The following HPCA variants were observed in gnomAD, a reference collection of about 807,000 sequenced individuals.
HPCA encodes hippocalcin.
A neutral mutation model predicts 18.2 loss-of-function variants in HPCA; 4 were observed. The observed-to-expected ratio is 0.22, with a 90% CI of 0.11 to 0.50. The LOEUF (loss-of-function observed/expected upper bound fraction) is 0.50, where lower values mean the gene tolerates loss of function less well. Ranked by LOEUF, HPCA falls within the 20% of genes least tolerant of loss-of-function variation. The pLI, the probability that HPCA is intolerant of heterozygous loss-of-function variation, is 0.97. For missense variants in HPCA, 161 were observed against 265.8 expected (o/e 0.61, Z 2.74); for synonymous variants, 93 against 103.5 (o/e 0.90, Z 0.61).
intron 1 of HPCA, among the ~76,000 whole-genome samples, chr1:32,887,712 G>A (rs1641393560): frequency 6.6e-6 from 1 of 152,176 alleles, no homozygotes; most frequent in South Asian, 2.1e-4. Flanking sequence ...AAATGGCAAG[G>A]GTGCCTGAAG....
In HPCA at chr1:32,894,063, C is replaced by A; in HGVS notation, c.*201C>A. On this transcript the variant is annotated 3_prime_UTR_variant, in exon 4 of 4. Coordinates refer to ENST00000373467, the MANE Select transcript of HPCA (RefSeq NM_002143.3). ...GTAAGCGGTTAGCACCCCCCAATCC[C>A]AGAGGCAACAATAGAGACACAGGCT... 1.7e-6 allele frequency: 1 copy of A among 579,170 alleles called. No homozygotes were observed. The highest frequency in any genetic ancestry group is 3.1e-6 in the Non-Finnish European group (1 of 324,184). The allele number at this position is 579,170 out of a possible 1,614,324, so 35.9% of individuals were successfully genotyped here.
rs1346906266 is a variant in HPCA at position 32,893,740 on chromosome 1, C to G, written c.485-25C>G. 1.0e-5 allele frequency: 16 copies of G among 1,559,092 alleles called. No homozygotes were observed. In the East Asian group the frequency reaches 3.8e-4, roughly 37 times the overall value. Reference sequence around the variant, plus strand: ...CTCGCTAGGCTGCCGCCTCCTCCCCCATCACCGCTCCCCTCGCCCTGCAGG... The same window carrying G: ...CTCGCTAGGCTGCCGCCTCCTCCCCGATCACCGCTCCCCTCGCCCTGCAGG... On this transcript the variant is annotated intron_variant, in intron 3 of 3. Coordinates refer to ENST00000373467, the MANE Select transcript of HPCA (RefSeq NM_002143.3). The surrounding 1 kb of genome is among the most constrained non-coding windows in gnomAD (Gnocchi z 7.5).
rs1641517295 is a variant in HPCA at position 32,893,926 on chromosome 1, C to T, written c.*64C>T. ...CCCCTCCCGGCTCTTAGCTTCCACTCCCTTGTGTGTATTCTGGCTGGGGGC... is the reference window on the plus strand; with the variant it reads ...CCCCTCCCGGCTCTTAGCTTCCACTTCCTTGTGTGTATTCTGGCTGGGGGC... On this transcript the variant is annotated 3_prime_UTR_variant, in exon 4 of 4. Transcript: ENST00000373467. The surrounding 1 kb of genome is among the most constrained non-coding windows in gnomAD (Gnocchi z 7.5). 1 of 1,177,192 alleles carries T rather than the reference C, an allele frequency of 8.5e-7. No individual in the cohort carries two copies. The highest frequency in any genetic ancestry group is 1.5e-5 in the African/African-American group (1 of 65,832). The allele number at this position is 1,177,192 out of a possible 1,614,324, so 72.9% of individuals were successfully genotyped here.
rs754351831 is a variant in HPCA at position 32,893,787 on chromosome 1, C to T, written c.507C>T (p.Phe169=). ...NNDGKLSLEE[F]IRGAKSDPSI... ...CAGGCAAGCTGTCCTTGGAGGAGTT[C>T]ATCCGCGGGGCCAAAAGCGACCCGT... Residue 169 remains phenylalanine (F), a synonymous_variant, in exon 4 of 4, where the codon TTC becomes TTT. Transcript: ENST00000373467. This position sits in a 1 kb window ranked among gnomAD's most constrained non-coding sequence, Gnocchi z 7.5. 3 of 1,579,032 alleles carry T rather than the reference C, an allele frequency of 1.9e-6. No homozygotes were observed. Among genetic ancestry groups the T allele is most frequent in the Non-Finnish European group, 1.7e-6 (2 of 1,163,314 alleles).
rs575286801 is a variant in HPCA, at chr1:32,894,400, C to T, written c.*538C>T. On this transcript the variant is annotated 3_prime_UTR_variant, in exon 4 of 4. Coordinates refer to ENST00000373467, the MANE Select transcript of HPCA (RefSeq NM_002143.3). ...CCCAGAAAGCCAGCCTGCCTTTTAGCACTTGGATACACACAGACCCACGGA... is the reference window on the plus strand; with the variant it reads ...CCCAGAAAGCCAGCCTGCCTTTTAGTACTTGGATACACACAGACCCACGGA... The T allele has an allele frequency of 8.1e-5, 16 of 197,452 alleles. No homozygotes were observed. The South Asian group carries it at 2.1e-3, about 25-fold the overall frequency. 12.2% of individuals were successfully genotyped at this position (197,452 alleles called of 1,614,324 possible). A position where few individuals can be genotyped will look rare whatever the true frequency, so the allele number is the denominator to read the frequency against.
chr1:32,890,570 C>T (rs1188184523), intron 2 of HPCA, among the ~76,000 whole-genome samples: 3 of 152,240 alleles, frequency 2.0e-5, no homozygotes, highest in Non-Finnish European at 4.4e-5. Flanking sequence ...ACTTGGTAGA[C>T]ATTAGCAATT....
chr1:32,892,804 C>A (rs535458344), intron 2 of HPCA, among the ~76,000 whole-genome samples: 87 of 152,268 alleles, frequency 5.7e-4, no homozygotes, highest in Middle Eastern at 3.4e-3. Context: ...CTCCAAGGCA[C>A]TGCGACCCAG....
rs756500543 is a variant in HPCA at position 32,893,775 on chromosome 1, C to T, written c.495C>T (p.Ser165=). 1 of 1,578,122 alleles carries T rather than the reference C, an allele frequency of 6.3e-7. No individual in the cohort carries two copies. Among genetic ancestry groups the T allele is most frequent in the South Asian group, 1.2e-5 (1 of 86,488 alleles). The change falls in exon 4 of 4, where the codon TCC becomes TCT. Residue 165 remains serine (S), a synonymous_variant. Coordinates refer to ENST00000373467, the MANE Select transcript of HPCA (RefSeq NM_002143.3). The surrounding 1 kb of genome is among the most constrained non-coding windows in gnomAD (Gnocchi z 7.5). ...QMDTNNDGKL[S]LEEFIRGAKS... is the part of the protein sequence containing the mutation. ...CCCCTCGCCCTGCAGGCAAGCTGTC[C>T]TTGGAGGAGTTCATCCGCGGGGCCA... is the stretch of plus-strand genomic sequence containing the variant.
At chr1:32,892,897 G>T (rs1385949241) in intron 2 of HPCA, among the ~76,000 whole-genome samples, 1 of 152,172 alleles carries the variant, frequency 6.6e-6, no homozygotes, top group Non-Finnish European at 1.5e-5. Context: ...TGCACGTGGC[G>T]GCTGCCGCCC....
rs563879186 is a variant in HPCA at position 32,886,732 on chromosome 1, T to G, written c.-22+217T>G. ...CCCTAGGAACCGCGTTCGACCGCCCTGGAGCGCCCCCTCCAGGAGGGGCCA... is the reference window on the plus strand; with the variant it reads ...CCCTAGGAACCGCGTTCGACCGCCCGGGAGCGCCCCCTCCAGGAGGGGCCA... On this transcript the variant is annotated intron_variant, in intron 1 of 3. Coordinates refer to ENST00000373467, the MANE Select transcript of HPCA (RefSeq NM_002143.3). This position sits in a 1 kb window ranked among gnomAD's most constrained non-coding sequence, Gnocchi z 7.0. Among the ~76,000 whole-genome samples the G allele has an allele frequency of 6.6e-6, 1 of 152,066 alleles. No homozygotes were observed. The highest frequency in any genetic ancestry group is 2.4e-5 in the African/African-American group (1 of 41,508).
In HPCA at chr1:32,889,201, C is replaced by T. The variant is rs11554960; in HGVS notation, c.303C>T (p.Leu101=). Reference sequence around the variant, plus strand: ...CGCGCGGCCGCCTGGAGCAGAAGCTCATGTGGGCCTTCAGCATGTATGACC... The same window carrying T: ...CGCGCGGCCGCCTGGAGCAGAAGCTTATGTGGGCCTTCAGCATGTATGACC... The part of the protein sequence containing the change: ...VTSRGRLEQK[L]MWAFSMYDLD... The change falls in exon 2 of 4, where the codon CTC becomes CTT. Residue 101 remains leucine (L), a synonymous_variant. Coordinates refer to ENST00000373467, the MANE Select transcript of HPCA (RefSeq NM_002143.3). This position sits in a 1 kb window ranked among gnomAD's most constrained non-coding sequence, Gnocchi z 4.6. 3 of 1,614,258 alleles carry T rather than the reference C, an allele frequency of 1.9e-6. No individual in the cohort carries two copies. Among genetic ancestry groups the T allele is most frequent in the South Asian group, 2.2e-5 (2 of 91,084 alleles).
At chr1:32,891,580 G>A (rs112786477) in intron 2 of HPCA, among the ~76,000 whole-genome samples, 1 of 152,158 alleles carries the variant, frequency 6.6e-6, no homozygotes, top group Non-Finnish European at 1.5e-5. Context: ...AATATGAGCT[G>A]CTGTTTACTG....
rs1641535830 is a variant in HPCA at position 32,894,544 on chromosome 1, CCT to C, written c.*683_*684del. 1.7e-5 allele frequency: 8 copies of C among 470,700 alleles called. No homozygotes were observed. The South Asian group carries it at 2.6e-4, about 15-fold the overall frequency. 29.2% of individuals were successfully genotyped at this position (470,700 alleles called of 1,614,324 possible). A position where few individuals can be genotyped will look rare whatever the true frequency, so the allele number is the denominator to read the frequency against. ...GAGACACGGTCCCCCTGGCTGAGCCCCTGTCCTCCCCTCTGTCCCCCCAACCG... is the reference window on the plus strand; with the variant it reads ...GAGACACGGTCCCCCTGGCTGAGCCCGTCCTCCCCTCTGTCCCCCCAACCG... On this transcript the variant is annotated 3_prime_UTR_variant, in exon 4 of 4. Coordinates refer to ENST00000373467, the MANE Select transcript of HPCA (RefSeq NM_002143.3).
intron 2 of HPCA, among the ~76,000 whole-genome samples, chr1:32,890,672 C>T (rs1641439475): frequency 6.6e-6 from 1 of 152,228 alleles, no homozygotes; most frequent in Non-Finnish European, 1.5e-5. Flanking sequence ...AATCCTGTCA[C>T]GCAGCTTTGC....
intron 1 of HPCA, among the ~76,000 whole-genome samples, chr1:32,887,232 C>T (rs973368372): frequency 6.6e-6 from 1 of 152,190 alleles, no homozygotes; most frequent in Non-Finnish European, 1.5e-5. Flanking sequence ...CATTCCCTCA[C>T]GCTGTGACGG....
In HPCA at chr1:32,893,921, C is replaced by T; in HGVS notation, c.*59C>T. On this transcript the variant is annotated 3_prime_UTR_variant, in exon 4 of 4. Coordinates refer to ENST00000373467, the MANE Select transcript of HPCA (RefSeq NM_002143.3). The surrounding 1 kb of genome is among the most constrained non-coding windows in gnomAD (Gnocchi z 7.5). ...CCGGCCCCCTCCCGGCTCTTAGCTT[C>T]CACTCCCTTGTGTGTATTCTGGCTG... is the stretch of plus-strand genomic sequence containing the variant. The T allele has an allele frequency of 8.2e-7, 1 of 1,223,840 alleles. No homozygotes were observed. The highest frequency in any genetic ancestry group is 1.3e-5 in the South Asian group (1 of 76,672). The allele number at this position is 1,223,840 out of a possible 1,614,324, so 75.8% of individuals were successfully genotyped here.
intron 2 of HPCA, among the ~76,000 whole-genome samples, chr1:32,892,081 G>T (rs563732736): frequency 6.6e-6 from 1 of 152,288 alleles, no homozygotes; most frequent in African/African-American, 2.4e-5. Context: ...ACTTAGTATC[G>T]TTATTCCAGG....
At chr1:32,891,221 G>A (rs1473037983) in intron 2 of HPCA, among the ~76,000 whole-genome samples, 1 of 152,226 alleles carries the variant, frequency 6.6e-6, no homozygotes, top group African/African-American at 2.4e-5. Context: ...GACAGCTGGT[G>A]CACACAGAGC....
intron 1 of HPCA, 84 bp from the exon 2 acceptor site, chr1:32,888,794 G>A: frequency 7.7e-7 from 1 of 1,291,080 alleles, no homozygotes; most frequent in Non-Finnish European, 1.1e-6. Context: ...ATGGCTGTTG[G>A]CAGGGGGGCC....
Sources: gnomAD v4.1 joint callset for allele counts (sites outside exome capture counted in the v4.1 genomes callset) on GRCh38, gnomAD v4.1.1 for gene constraint, Gnocchi (gnomAD v3.1) non-coding constraint, MANE v1.5 for transcripts, NCBI Gene and HGNC (gene_info 2026-07-23, HGNC 2026-07-21) for gene names.